COG5: variants seen among roughly 807,000 people sequenced by gnomAD.
The protein encoded by COG5 is conserved oligomeric Golgi complex subunit 5.
COG5 carries 86 observed loss-of-function variants against 110.4 expected under a neutral mutation model. The ratio of observed to expected loss-of-function variants is 0.78; its 90% CI spans 0.65 to 0.93. The LOEUF (loss-of-function observed/expected upper bound fraction) is 0.93. Ranked by LOEUF, COG5 falls within the 40% of genes least tolerant of loss-of-function variation. The pLI, the probability that COG5 is intolerant of heterozygous loss-of-function variation, is 0.00. For synonymous variants in COG5, 360 were observed against 334.6 expected (o/e 1.08, Z -0.83); for missense variants, 1,077 against 987.0 (o/e 1.09, Z -1.22).
At chr7:107,553,256 T>G (rs1279608894) in intron 3 of COG5, among the ~76,000 whole-genome samples, 1 of 152,222 alleles carries the variant, frequency 6.6e-6, no homozygotes, top group Non-Finnish European at 1.5e-5. Flanking sequence ...TTGAAATGAC[T>G]AATAATAGTA....
At chr7:107,389,201 TAG>T (rs1040624257) in intron 7 of COG5, among the ~76,000 whole-genome samples, 16 of 151,930 alleles carry the variant, frequency 1.1e-4, no homozygotes, top group Non-Finnish European at 1.8e-4. Context: ...CTAGGAGGGA[TAG>T]ATTTACCCCC....
chr7:107,484,615 A>G (rs1797547563), intron 6 of COG5, among the ~76,000 whole-genome samples: 1 of 152,198 alleles, frequency 6.6e-6, no homozygotes, highest in Non-Finnish European at 1.5e-5. Context: ...ACACTTAATG[A>G]TACCTTAAGT....
intron 6 of COG5, among the ~76,000 whole-genome samples, chr7:107,459,858 G>A (rs1795883804): frequency 6.6e-6 from 1 of 151,472 alleles, no homozygotes; most frequent in Non-Finnish European, 1.5e-5. Flanking sequence ...AGAGAAGATT[G>A]TACAATACTA....
chr7:107,419,968 C>G (rs768361246), intron 6 of COG5, among the ~76,000 whole-genome samples: 1 of 151,934 alleles, frequency 6.6e-6, no homozygotes, highest in Non-Finnish European at 1.5e-5. Context: ...CCTATTAAAC[C>G]TTTTTAATAA....
chr7:107,219,902 C>T (rs1036101546), intron 19 of COG5, among the ~76,000 whole-genome samples: 1 of 152,124 alleles, frequency 6.6e-6, no homozygotes, highest in African/African-American at 2.4e-5. Flanking sequence ...CCACACGGTA[C>T]ACATATAATA....
At chr7:107,378,996 A>T (rs147567379) in intron 7 of COG5, among the ~76,000 whole-genome samples, 6 of 152,342 alleles carry the variant, frequency 3.9e-5, no homozygotes, top group African/African-American at 1.4e-4. Flanking sequence ...GAAATGAAGG[A>T]AAAAATATTA....
At chr7:107,471,267 T>A (rs1055594792) in intron 6 of COG5, 2 of 152,120 alleles carry the variant, frequency 1.3e-5, no homozygotes, top group Non-Finnish European at 1.5e-5. Context: ...TTGGTTATTT[T>A]GATAACAAAT....
rs868485322 is a variant in COG5 at position 107,401,690 on chromosome 7, C to T, written c.669+10812G>A. ...TTAGTGGTAAAAACAATACTGGGACCAAATATACAAAGGAGTTTACACAGG... is the reference window on the plus strand; with the variant it reads ...TTAGTGGTAAAAACAATACTGGGACTAAATATACAAAGGAGTTTACACAGG... On this transcript the variant is annotated intron_variant, in intron 7 of 21. Transcript: ENST00000297135. Among the ~76,000 whole-genome samples the T allele has an allele frequency of 3.9e-5, 6 of 152,176 alleles. 1 individual carries two copies. The South Asian group carries it at 1.2e-3, about 32-fold the overall frequency.
intron 18 of COG5, among the ~76,000 whole-genome samples, chr7:107,233,970 T>G (rs1197977286): frequency 6.6e-6 from 1 of 152,044 alleles, no homozygotes; most frequent in African/African-American, 2.4e-5. Context: ...AAAAAGTGGG[T>G]GGGGGAGACC....
At chr7:107,516,315 T>C (rs1324773459) in intron 6 of COG5, among the ~76,000 whole-genome samples, 1 of 152,198 alleles carries the variant, frequency 6.6e-6, no homozygotes, top group Non-Finnish European at 1.5e-5. Flanking sequence ...TTTAAGTGGG[T>C]TGTTGGAGTT....
At chr7:107,500,517 C>T (rs2129135674) in intron 6 of COG5, among the ~76,000 whole-genome samples, 1 of 152,264 alleles carries the variant, frequency 6.6e-6, no homozygotes, top group South Asian at 2.1e-4. Context: ...TCTAATTTGG[C>T]ACTTTTTAGT....
intron 6 of COG5, among the ~76,000 whole-genome samples, chr7:107,510,564 G>T (rs1490268074): frequency 1.3e-5 from 2 of 152,140 alleles, no homozygotes; most frequent in African/African-American, 4.8e-5. Context: ...GACATCTACA[G>T]AACTCTCCAC....
chr7:107,222,929 T>G (rs1348899174), intron 19 of COG5, among the ~76,000 whole-genome samples: 1 of 152,106 alleles, frequency 6.6e-6, no homozygotes, highest in Non-Finnish European at 1.5e-5. Context: ...AGATTCACAT[T>G]TAAACGATTC....
intron 12 of COG5, among the ~76,000 whole-genome samples, chr7:107,289,132 C>CA (rs1805946794): frequency 6.6e-6 from 1 of 151,090 alleles, no homozygotes; most frequent in African/African-American, 2.4e-5. Context: ...CTGTGCCCAG[C>CA]CTTGTTTTAT....
chr7:107,442,150 T>G (rs957792871), intron 6 of COG5, among the ~76,000 whole-genome samples: 1 of 152,042 alleles, frequency 6.6e-6, no homozygotes, highest in African/African-American at 2.4e-5. Flanking sequence ...CATCCCCCCC[T>G]GTTCTTGTGA....
intron 6 of COG5, among the ~76,000 whole-genome samples, chr7:107,416,808 A>C (rs904325535): frequency 2.0e-5 from 3 of 152,240 alleles, no homozygotes; most frequent in Non-Finnish European, 4.4e-5. Context: ...GAAAAGCAGA[A>C]TATATTACCT....
At chr7:107,220,225 T>G (rs1273183522) in intron 19 of COG5, among the ~76,000 whole-genome samples, 1 of 152,196 alleles carries the variant, frequency 6.6e-6, no homozygotes, top group Non-Finnish European at 1.5e-5. Flanking sequence ...AAGCACAATT[T>G]TGAACTGTCA....
Position 107,474,640 on chromosome 7 carries a change from A to G in COG5, c.538+52597T>C. 6.2e-7 allele frequency: 1 copy of G among 1,610,624 alleles called. No homozygotes were observed. Among genetic ancestry groups the G allele is most frequent in the Non-Finnish European group, 8.5e-7 (1 of 1,177,438 alleles). The stretch of plus-strand genomic sequence containing the variant: ...AAGTGGAAATACCTGGGAAAACAAG[A>G]CACTTTTATGTGTCAGTACAAATGA... On this transcript the variant is annotated intron_variant, in intron 6 of 21. Coordinates refer to ENST00000297135, the MANE Select transcript of COG5 (RefSeq NM_006348.5). The surrounding 1 kb of genome is among the most constrained non-coding windows in gnomAD (Gnocchi z 5.7).
chr7:107,268,798 T>C (rs1804010413), intron 14 of COG5, among the ~76,000 whole-genome samples: 1 of 152,240 alleles, frequency 6.6e-6, no homozygotes, highest in Admixed American at 6.5e-5. Flanking sequence ...TATCGTTATG[T>C]CAGCATTCTT....
Sources: allele counts gnomAD v4.1 joint callset (sites outside exome capture counted in the v4.1 genomes callset), GRCh38; gene constraint gnomAD v4.1.1; non-coding constraint Gnocchi (gnomAD v3.1); transcripts MANE v1.5; gene names NCBI Gene and HGNC (gene_info 2026-07-23, HGNC 2026-07-21).